ATP10A: variants seen among roughly 807,000 people sequenced by gnomAD.
The protein encoded by ATP10A is phospholipid-transporting ATPase VA.
In ATP10A, 111 loss-of-function variants were observed where a neutral mutation model predicts 147.8. The observed-to-expected ratio is 0.75, with a 90% CI of 0.64 to 0.88. ATP10A has a LOEUF of 0.88. Ranked by LOEUF, ATP10A falls within the 40% of genes least tolerant of loss-of-function variation. The probability of loss-of-function intolerance (pLI) is 0.00; values close to 1 mark genes in which losing one functional copy is unlikely to be tolerated. For missense variants in ATP10A, 1,927 were observed against 1,959.0 expected (o/e 0.98, Z 0.31); for synonymous variants, 875 against 841.6 (o/e 1.04, Z -0.69).
chr15:25,692,660 G>A (rs138113212), intron 14 of ATP10A, among the ~76,000 whole-genome samples: 2 of 152,308 alleles, frequency 1.3e-5, no homozygotes, highest in East Asian at 1.9e-4. Context: ...ATAAAAATCT[G>A]TACAGCTTTC....
chr15:25,820,147 T>C (rs1891821318), intron 1 of ATP10A, among the ~76,000 whole-genome samples: 2 of 152,082 alleles, frequency 1.3e-5, no homozygotes, highest in Non-Finnish European at 1.5e-5. Context: ...AATAAAAATA[T>C]GATAGAACTA....
In ATP10A at chr15:25,732,558, CTTT is replaced by C. The variant is rs36120691; in HGVS notation, c.740+3495_740+3497del. 5.9e-5 allele frequency among the ~76,000 whole-genome samples: 5 copies of C among 84,142 alleles called. 1 individual carries two copies. The highest frequency in any genetic ancestry group is 1.8e-4 in the African/African-American group (4 of 21,752). 55.2% of individuals were successfully genotyped at this position (84,142 alleles called of 152,430 possible). Reference sequence around the variant, plus strand: ...GTGAGCATTTCACATGCGACACCTTCTTTTTTTTTTTTTTTGAGATGGAGTCTC... The same window carrying C: ...GTGAGCATTTCACATGCGACACCTTCTTTTTTTTTTTTGAGATGGAGTCTC... On this transcript the variant is annotated intron_variant, in intron 3 of 20. Transcript: ENST00000555815.
intron 2 of ATP10A, among the ~76,000 whole-genome samples, chr15:25,777,442 C>T (rs1457582057): frequency 6.6e-6 from 1 of 152,108 alleles, no homozygotes; most frequent in Non-Finnish European, 1.5e-5. Flanking sequence ...AGGCTTCTAG[C>T]AAGTTCCACC....
chr15:25,725,472 C>T (rs1195439213), intron 5 of ATP10A, among the ~76,000 whole-genome samples: 1 of 152,148 alleles, frequency 6.6e-6, no homozygotes, highest in Admixed American at 6.5e-5. Flanking sequence ...GACAGCTATA[C>T]TCTGTCATGC....
intron 12 of ATP10A, among the ~76,000 whole-genome samples, chr15:25,706,436 A>G (rs1901021862): frequency 6.6e-6 from 1 of 152,066 alleles, no homozygotes. Flanking sequence ...AGCCCAAAAC[A>G]CTGGGATTAC....
chr15:25,695,225 G>A, intron 13 of ATP10A, 79 bp from the exon 14 acceptor site: 2 of 1,365,278 alleles, frequency 1.5e-6, no homozygotes, highest in Non-Finnish European at 2.0e-6. Context: ...AACACCTCTG[G>A]AGCTGACATC....
At chr15:25,724,754 G>A (rs566602245) in intron 5 of ATP10A, among the ~76,000 whole-genome samples, 24 of 152,262 alleles carry the variant, frequency 1.6e-4, no homozygotes, top group Admixed American at 2.6e-4. Context: ...TACCACCACC[G>A]CTGTGATGAA....
intron 3 of ATP10A, among the ~76,000 whole-genome samples, chr15:25,734,180 C>T (rs547978854): frequency 3.0e-4 from 46 of 152,282 alleles, no homozygotes; most frequent in Non-Finnish European, 5.7e-4. Flanking sequence ...CCGCCCCTCT[C>T]GTCCACCCCA....
chr15:25,717,473 T>A (rs1901892748), intron 8 of ATP10A, among the ~76,000 whole-genome samples: 1 of 152,232 alleles, frequency 6.6e-6, no homozygotes, highest in Non-Finnish European at 1.5e-5. Context: ...TGACTCATAC[T>A]GAAAAATGCT....
At chr15:25,761,321 T>C (rs1436158810) in intron 2 of ATP10A, among the ~76,000 whole-genome samples, 1 of 152,198 alleles carries the variant, frequency 6.6e-6, no homozygotes, top group African/African-American at 2.4e-5. Context: ...AATAAAGACA[T>C]ACCCGAGACT....
chr15:25,688,628 CT>C (rs1188703572), intron 15 of ATP10A, among the ~76,000 whole-genome samples: 2 of 152,170 alleles, frequency 1.3e-5, no homozygotes, highest in African/African-American at 2.4e-5. Context: ...TAGATTTCTG[CT>C]TATCAACAGA....
intron 2 of ATP10A, among the ~76,000 whole-genome samples, chr15:25,749,633 A>G (rs1888043355): frequency 6.6e-6 from 1 of 152,228 alleles, no homozygotes; most frequent in Non-Finnish European, 1.5e-5. Flanking sequence ...AAGAAGAAAG[A>G]AAACTAGGCC....
chr15:25,779,692 C>G (rs948720211), intron 2 of ATP10A, among the ~76,000 whole-genome samples: 3 of 152,208 alleles, frequency 2.0e-5, no homozygotes, highest in Admixed American at 6.5e-5. Context: ...CTCGAGGGGC[C>G]CCTAACTCTT....
At chr15:25,767,363 G>A (rs1459511611) in intron 2 of ATP10A, among the ~76,000 whole-genome samples, 5 of 152,272 alleles carry the variant, frequency 3.3e-5, no homozygotes, top group African/African-American at 7.2e-5. Flanking sequence ...GCCACATCCC[G>A]GACAGCGAGT....
downstream of ATP10A, among the ~76,000 whole-genome samples, chr15:25,676,557 T>C (rs368781421): frequency 4.5e-4 from 68 of 152,286 alleles, no homozygotes; most frequent in African/African-American, 1.6e-3. Flanking sequence ...ACAGTCTGGG[T>C]ATATTTGTGA....
rs780501723 is a variant in ATP10A at position 25,736,118 on chromosome 15, C to T, written c.678G>A (p.Thr226=). Reference sequence around the variant, plus strand: ...TCTCGCATTCGATCACGCTGGTGAACGTCAAAGGATTGAATTCGGAGACCT... The same window carrying T: ...TCTCGCATTCGATCACGCTGGTGAATGTCAAAGGATTGAATTCGGAGACCT... ...SELVSEFNPL[T]FTSVIECEKP... The change falls in exon 3 of 21, where the codon ACG becomes ACA. Residue 226 remains threonine, a synonymous_variant. Transcript: ENST00000555815. 9 of 1,613,024 alleles carry T rather than the reference C, an allele frequency of 5.6e-6. No individual in the cohort carries two copies. Among genetic ancestry groups the T allele is most frequent in the South Asian group, 1.1e-5 (1 of 91,030 alleles).
At chr15:25,688,116 C>T in intron 15 of ATP10A, 2 of 419,512 alleles carry the variant, frequency 4.8e-6, no homozygotes, top group South Asian at 2.4e-5. Flanking sequence ...TTCTTTTTTC[C>T]TGCTGTTTTC....
chr15:25,705,680 T>C (rs1361779131), intron 12 of ATP10A, among the ~76,000 whole-genome samples: 5 of 152,126 alleles, frequency 3.3e-5, no homozygotes, highest in Non-Finnish European at 7.4e-5. Context: ...TGGTAAGTGG[T>C]TAACAACCGG....
intron 2 of ATP10A, among the ~76,000 whole-genome samples, chr15:25,756,161 C>A (rs778283018): frequency 4.6e-5 from 7 of 152,154 alleles, no homozygotes; most frequent in African/African-American, 1.7e-4. Flanking sequence ...TCCTAGCTAG[C>A]AATTGTTTAG....
Sources: gnomAD v4.1 joint callset for allele counts (sites outside exome capture counted in the v4.1 genomes callset) on GRCh38, gnomAD v4.1.1 for gene constraint, MANE v1.5 for transcripts, NCBI Gene and HGNC (gene_info 2026-07-23, HGNC 2026-07-21) for gene names.